Variants in RAD51AP1 observed in about 807,000 individuals in gnomAD.
RAD51AP1 encodes the protein RAD51 associated protein 1, also known as RAD51-associated protein 1.
In RAD51AP1, 14 loss-of-function variants were observed where a neutral mutation model predicts 34.3. The ratio of observed to expected loss-of-function variants is 0.41; its 90% CI spans 0.27 to 0.64. The LOEUF (loss-of-function observed/expected upper bound fraction) is 0.64, where lower values mean the gene tolerates loss of function less well. RAD51AP1 is among the 30% of genes least tolerant of loss of function. The probability of loss-of-function intolerance (pLI) is 0.33; values close to 1 mark genes in which losing one functional copy is unlikely to be tolerated. For missense variants in RAD51AP1, 348 were observed against 386.9 expected (o/e 0.90, Z 0.84); for synonymous variants, 114 against 129.8 (o/e 0.88, Z 0.83).
chr12:4,552,667 A>G (rs1046632890), intron 6 of RAD51AP1, among the ~76,000 whole-genome samples: 1 of 152,208 alleles, frequency 6.6e-6, no homozygotes, highest in African/African-American at 2.4e-5. Context: ...AAACAATTTT[A>G]TTTTGCTCAG....
At chr12:4,550,066 A>G (rs1423091712) in intron 6 of RAD51AP1, among the ~76,000 whole-genome samples, 1 of 152,192 alleles carries the variant, frequency 6.6e-6, no homozygotes, top group Admixed American at 6.5e-5. Flanking sequence ...TGCAGAGAAG[A>G]TAAGTCTTTT....
chr12:4,552,148 C>A (rs1237937993), intron 6 of RAD51AP1, among the ~76,000 whole-genome samples: 4 of 152,096 alleles, frequency 2.6e-5, no homozygotes, highest in African/African-American at 9.7e-5. Context: ...CTGCAATAAG[C>A]ATGTCCATAA....
intron 2 of RAD51AP1, among the ~76,000 whole-genome samples, chr12:4,542,960 A>G (rs1474494027): frequency 6.6e-6 from 1 of 152,216 alleles, no homozygotes; most frequent in Non-Finnish European, 1.5e-5. Context: ...AAGAGAAAAT[A>G]CTACTATTGT....
At chr12:4,542,461 G>T (rs900407374) in intron 2 of RAD51AP1, among the ~76,000 whole-genome samples, 6 of 152,000 alleles carry the variant, frequency 3.9e-5, no homozygotes, top group African/African-American at 9.7e-5. Flanking sequence ...AGAGTTTTCT[G>T]TAAGTCAAAT....
chr12:4,555,052 T>G (rs1160406279), intron 7 of RAD51AP1, among the ~76,000 whole-genome samples: 3 of 152,174 alleles, frequency 2.0e-5, no homozygotes, highest in Non-Finnish European at 4.4e-5. Context: ...ATCTAGAGGA[T>G]GCAGATGTTA....
chr12:4,552,566 C>G (rs925943340), intron 6 of RAD51AP1, among the ~76,000 whole-genome samples: 2 of 152,202 alleles, frequency 1.3e-5, no homozygotes, highest in Admixed American at 1.3e-4. Context: ...TTGTCATACC[C>G]TACCATTCTT....
chr12:4,543,437 A>G (rs1454403932), intron 2 of RAD51AP1, among the ~76,000 whole-genome samples: 2 of 152,178 alleles, frequency 1.3e-5, no homozygotes, highest in African/African-American at 4.8e-5. Flanking sequence ...CCACTTTTCA[A>G]TGTGATTAAA....
At chr12:4,555,778 C>T (rs1443134204) in intron 7 of RAD51AP1, among the ~76,000 whole-genome samples, 1 of 152,174 alleles carries the variant, frequency 6.6e-6, no homozygotes, top group Non-Finnish European at 1.5e-5. Flanking sequence ...AACACATACC[C>T]CCAGATTGCA....
chr12:4,556,295 C>T, intron 7 of RAD51AP1, 58 bp from the exon 8 acceptor site: 1 of 1,294,074 alleles, frequency 7.7e-7, no homozygotes, highest in East Asian at 2.3e-5. Context: ...CACATATATG[C>T]TAGACTTACT....
chr12:4,554,442 T>C (rs1255296734), intron 7 of RAD51AP1, among the ~76,000 whole-genome samples: 1 of 152,226 alleles, frequency 6.6e-6, no homozygotes, highest in Non-Finnish European at 1.5e-5. Context: ...GTTCTGGCAA[T>C]GACGATGTAG....
chr12:4,541,837 G>A (rs766305140), intron 1 of RAD51AP1, 47 bp from the exon 2 acceptor site: 26 of 1,014,916 alleles, frequency 2.6e-5, no homozygotes, highest in Non-Finnish European at 3.5e-5. Flanking sequence ...TAATAGTGGT[G>A]AGAAATTGAC....
chr12:4,556,185 T>A (rs1944580931), intron 7 of RAD51AP1, among the ~76,000 whole-genome samples, 168 bp from the exon 8 acceptor site: 1 of 152,250 alleles, frequency 6.6e-6, no homozygotes, highest in African/African-American at 2.4e-5. Context: ...CTGCCTGGCA[T>A]ATTAATGCTC....
At chr12:4,546,156 C>G (rs1944504555) in intron 3 of RAD51AP1, among the ~76,000 whole-genome samples, 153 bp from the exon 4 acceptor site, 2 of 152,138 alleles carry the variant, frequency 1.3e-5, no homozygotes, top group Admixed American at 6.5e-5. Context: ...GGAGTCTTAT[C>G]TTATCATCAA....
intron 7 of RAD51AP1, 65 bp downstream of exon 7, chr12:4,553,212 T>G (rs1944559002): frequency 7.3e-7 from 1 of 1,367,032 alleles, no homozygotes; most frequent in Non-Finnish European, 9.8e-7. Flanking sequence ...GCCGTATTTT[T>G]CTTATTTTTG....
At chr12:4,542,521 C>T (rs2970804) in intron 2 of RAD51AP1, among the ~76,000 whole-genome samples, 2,267 of 151,316 alleles carry the variant, frequency 0.015, 55 homozygotes, top group African/African-American at 0.052. Flanking sequence ...TTGAGCACAG[C>T]CTTAACTGTA....
rs1490408522 is a variant in RAD51AP1, at chr12:4,548,094, A to G, written c.322A>G (p.Ile108Val). ...TNVQNSQDKS[I>V]EKHGSSKIET... is the part of the protein sequence containing the mutation. ...TCTTTCTTATTCCTTATATTTAGGC[A>G]TTGAAAAACATGGCAGTAGTAAAAT... is the stretch of plus-strand genomic sequence containing the variant. The change falls in exon 5 of 9, where the codon ATT becomes GTT. Residue 108 changes from isoleucine to valine, a missense_variant and splice_region_variant. By Grantham distance (29) the Ile-to-Val change is conservative. Coordinates refer to ENST00000352618, the MANE Select transcript of RAD51AP1 (RefSeq NM_006479.5). The G allele has an allele frequency of 1.9e-6, 3 of 1,595,804 alleles. No individual in the cohort carries two copies. The highest frequency in any genetic ancestry group is 2.6e-6 in the Non-Finnish European group (3 of 1,175,510).
In RAD51AP1 at chr12:4,549,643, A is replaced by C. The variant is rs74059625; in HGVS notation, c.556+807A>C. Among the ~76,000 whole-genome samples, 731 of 152,332 alleles carry C rather than the reference A, an allele frequency of 4.8e-3. 10 individuals are homozygous for C. The highest frequency in any genetic ancestry group is 0.017 in the African/African-American group (699 of 41,572). On this transcript the variant is annotated intron_variant, in intron 6 of 8. Coordinates refer to ENST00000352618, the MANE Select transcript of RAD51AP1 (RefSeq NM_006479.5). Reference sequence around the variant, plus strand: ...TTTACTTTGGGAGGGCCTGGGAGACAGGAAAATGCAAAGACACTCTTTGAG... The same window carrying C: ...TTTACTTTGGGAGGGCCTGGGAGACCGGAAAATGCAAAGACACTCTTTGAG...
chr12:4,539,095 A>C (rs1376653678), intron 1 of RAD51AP1, 139 bp downstream of exon 1: 1 of 887,562 alleles, frequency 1.1e-6, no homozygotes, highest in Non-Finnish European at 1.7e-6. Context: ...CCCAGTCTCC[A>C]GTGAGAGCCA....
At chr12:4,558,063 T>A (rs1412021832) in intron 8 of RAD51AP1, among the ~76,000 whole-genome samples, 1 of 151,912 alleles carries the variant, frequency 6.6e-6, no homozygotes, top group African/African-American at 2.4e-5. Flanking sequence ...GTTTGTTACC[T>A]ATCTTATACA....
Sources: gnomAD v4.1 joint callset for allele counts (sites outside exome capture counted in the v4.1 genomes callset) on GRCh38, gnomAD v4.1.1 for gene constraint, MANE v1.5 for transcripts, NCBI Gene and HGNC (gene_info 2026-07-23, HGNC 2026-07-21) for gene names.